The following PREP variants were observed in gnomAD, a reference collection of about 807,000 sequenced individuals.
The protein encoded by PREP is dJ355L5.1 (prolyl endopeptidase).
In PREP, 29 loss-of-function variants were observed where a neutral mutation model predicts 87.6. The ratio of observed to expected loss-of-function variants is 0.33; its 90% confidence interval spans 0.25 to 0.45. The LOEUF is 0.45. Among genes scored for constraint, PREP ranks in the 20% least tolerant of loss-of-function variants. The pLI, the probability that PREP is intolerant of heterozygous loss-of-function variation, is 1.00. For synonymous variants in PREP, 337 were observed against 328.6 expected, an observed-to-expected ratio of 1.03 and a Z score of -0.28; for missense variants, 695 against 886.5, an observed-to-expected ratio of 0.78 and a Z score of 2.74.
chr6:105,290,223 T>A (rs1770273244), intron 10 of PREP, among the ~76,000 whole-genome samples: 1 of 151,922 alleles, frequency 6.6e-6, no homozygotes, highest in Non-Finnish European at 1.5e-5. Flanking sequence ...ACCAACAGAG[T>A]GTAACTGTGT....
chr6:105,349,580 C>A (rs1421591298), intron 7 of PREP, among the ~76,000 whole-genome samples: 5 of 152,222 alleles, frequency 3.3e-5, no homozygotes, highest in Non-Finnish European at 7.4e-5. Context: ...AAGTGAAATT[C>A]TTTAGTCCTC....
chr6:105,396,394 T>C (rs1382753619), intron 2 of PREP, among the ~76,000 whole-genome samples: 1 of 152,178 alleles, frequency 6.6e-6, no homozygotes, highest in Non-Finnish European at 1.5e-5. Context: ...AGCCAGTGCT[T>C]GAGACTAAAG....
intron 7 of PREP, among the ~76,000 whole-genome samples, chr6:105,333,776 T>C (rs1268439262): frequency 1.3e-5 from 2 of 152,182 alleles, no homozygotes; most frequent in East Asian, 3.9e-4. Context: ...CTCTTCTAAC[T>C]GAGCCGGCCT....
At chr6:105,287,408 G>A (rs1037532322) in intron 11 of PREP, among the ~76,000 whole-genome samples, 12 of 152,000 alleles carry the variant, frequency 7.9e-5, no homozygotes, top group African/African-American at 1.9e-4. Flanking sequence ...TATATCTTTC[G>A]AAAATATTGT....
chr6:105,402,706 A>G (rs1773467336), intron 1 of PREP, 141 bp downstream of exon 1: 1 of 758,110 alleles, frequency 1.3e-6, no homozygotes, highest in South Asian at 2.7e-5. Context: ...CCCCGGCCCA[A>G]TTCTCCCAAA....
chr6:105,279,794 G>C (rs1266593139), intron 14 of PREP, among the ~76,000 whole-genome samples: 1 of 152,148 alleles, frequency 6.6e-6, no homozygotes, highest in African/African-American at 2.4e-5. Context: ...AAAATATTTA[G>C]AACTTTCTTT....
chr6:105,360,733 A>T (rs558733870), intron 6 of PREP, among the ~76,000 whole-genome samples: 1 of 152,358 alleles, frequency 6.6e-6, no homozygotes, highest in Admixed American at 6.5e-5. Context: ...TCCTATAAAA[A>T]TCACAGAATT....
At position 105,277,378 on chromosome 6, in the gene PREP, A is replaced by G. The variant is rs1478151716; in HGVS notation, c.*766T>C. On this transcript the variant is annotated 3_prime_UTR_variant, in exon 15 of 15. Coordinates refer to ENST00000652536, the MANE Select transcript of PREP (RefSeq NM_002726.5). Reference sequence around the variant, plus strand: ...GATTTCTAGGAATACTTTGTAAACAAATCAATATACAAATAGGTGAATAAT... The same window carrying G: ...GATTTCTAGGAATACTTTGTAAACAGATCAATATACAAATAGGTGAATAAT... 6.6e-6 allele frequency among the ~76,000 whole-genome samples: 1 copy of G among 152,188 alleles called. No individual in the cohort carries two copies. Among genetic ancestry groups the G allele is most frequent in the Non-Finnish European group, 1.5e-5 (1 of 68,036 alleles).
intron 6 of PREP, among the ~76,000 whole-genome samples, chr6:105,362,397 G>T (rs1265799404): frequency 6.6e-6 from 1 of 152,224 alleles, no homozygotes; most frequent in African/African-American, 2.4e-5. Flanking sequence ...GGAGATGGAG[G>T]TCGCAGGGAG....
At chr6:105,281,721 C>CAT (rs774628346) in intron 14 of PREP, 25 bp downstream of exon 14, 6 of 1,608,106 alleles carry the variant, frequency 3.7e-6, no homozygotes, top group South Asian at 1.1e-5. Context: ...CCACTAACAA[C>CAT]ATATATATGT....
chr6:105,302,701 G>GA (rs1770565435), intron 10 of PREP: 3 of 505,936 alleles, frequency 5.9e-6, no homozygotes, highest in South Asian at 4.8e-5. Context: ...AGAGAGCTTG[G>GA]AGACCGCGCC....
chr6:105,292,629 G>C (rs1054907679), intron 10 of PREP, among the ~76,000 whole-genome samples: 1 of 152,196 alleles, frequency 6.6e-6, no homozygotes, highest in African/African-American at 2.4e-5. Flanking sequence ...CCCCTAAGAA[G>C]AAAGTCAGCC....
At chr6:105,330,833 A>C (rs1771309468) in intron 8 of PREP, among the ~76,000 whole-genome samples, 1 of 152,232 alleles carries the variant, frequency 6.6e-6, no homozygotes, top group Non-Finnish European at 1.5e-5. Context: ...TTAGTATGGC[A>C]AACTTTGTTT....
At chr6:105,374,156 GGCGCCCGGAGT>G (rs1458589057) in intron 4 of PREP, among the ~76,000 whole-genome samples, 1 of 152,136 alleles carries the variant, frequency 6.6e-6, no homozygotes, top group Non-Finnish European at 1.5e-5. Context: ...TTGCAGTGAA[GGCGCCCGGAGT>G]GCACATTCCA....
At chr6:105,314,517 A>G (rs1770821020) in intron 10 of PREP, among the ~76,000 whole-genome samples, 1 of 152,222 alleles carries the variant, frequency 6.6e-6, no homozygotes, top group Non-Finnish European at 1.5e-5. Flanking sequence ...CTCCAGCAGG[A>G]ATAGATTCCA....
At chr6:105,337,667 T>A (rs1386109775) in intron 7 of PREP, among the ~76,000 whole-genome samples, 1 of 152,234 alleles carries the variant, frequency 6.6e-6, no homozygotes, top group Non-Finnish European at 1.5e-5. Flanking sequence ...CAGCTCACAT[T>A]CCAGCATTCC....
intron 6 of PREP, among the ~76,000 whole-genome samples, chr6:105,366,250 C>A (rs1772380885): frequency 6.6e-6 from 1 of 152,102 alleles, no homozygotes. Flanking sequence ...GAGCGAGACT[C>A]CATCTCAAAA....
In PREP at chr6:105,381,914, G is replaced by T. The variant is rs112244548; in HGVS notation, c.121-4395C>A. Among the ~76,000 whole-genome samples the T allele has an allele frequency of 7.6e-3, 1,154 of 152,224 alleles. 14 individuals are homozygous for T. Among genetic ancestry groups the T allele is most frequent in the African/African-American group, 0.025 (1,042 of 41,528 alleles). On this transcript the variant is annotated intron_variant, in intron 2 of 14. Coordinates refer to ENST00000652536, the MANE Select transcript of PREP (RefSeq NM_002726.5). ...TGCAATTTAAAAAAGAAAAAGAAAA[G>T]CTATTTGGAAAGGGGTGGCTTAATT...
chr6:105,292,501 G>A (rs1770316220), intron 10 of PREP, among the ~76,000 whole-genome samples: 1 of 152,126 alleles, frequency 6.6e-6, no homozygotes. Context: ...AGTAAACCTT[G>A]GTGTAAACAG....
Sources: gnomAD v4.1 joint callset for allele counts (sites outside exome capture counted in the v4.1 genomes callset) on GRCh38, gnomAD v4.1.1 for gene constraint, MANE v1.5 for transcripts, NCBI Gene and HGNC (gene_info 2026-07-23, HGNC 2026-07-21) for gene names.